Variants in SLC25A26 observed in about 807,000 individuals in gnomAD.
SLC25A26 encodes the protein mitochondrial S-adenosylmethionine carrier protein.
A neutral mutation model predicts 37.8 loss-of-function variants in SLC25A26; 36 were observed. That is an observed-to-expected ratio of 0.95 (90% CI 0.73 to 1.26). The LOEUF (loss-of-function observed/expected upper bound fraction) is 1.26, where lower values mean the gene tolerates loss of function less well. SLC25A26 is among the 50% of genes most tolerant of loss of function. The probability of loss-of-function intolerance (pLI) is 0.00; values close to 1 mark genes in which losing one functional copy is unlikely to be tolerated. For synonymous variants in SLC25A26, 129 were observed against 122.5 expected (o/e 1.05, Z -0.35); for missense variants, 390 against 331.1 (o/e 1.18, Z -1.38).
chr3:66,137,419 G>C (rs2069963706), intron 1 of SLC25A26, among the ~76,000 whole-genome samples: 1 of 151,802 alleles, frequency 6.6e-6, no homozygotes, highest in Non-Finnish European at 1.5e-5. Context: ...GTAGAGACAG[G>C]GTTTCACCAT....
intron 6 of SLC25A26, among the ~76,000 whole-genome samples, chr3:66,351,601 G>C (rs2076455499): frequency 6.6e-6 from 1 of 152,126 alleles, no homozygotes; most frequent in African/African-American, 2.4e-5. Flanking sequence ...GGCAGCCTCA[G>C]ATCACCAGCT....
intron 1 of SLC25A26, among the ~76,000 whole-genome samples, chr3:66,181,642 G>T (rs528966930): frequency 6.6e-6 from 1 of 152,272 alleles, no homozygotes; most frequent in South Asian, 2.1e-4. Context: ...AGAGAGGAAA[G>T]GAACTTGTCC....
At chr3:66,188,479 T>C (rs1005335479) in intron 1 of SLC25A26, among the ~76,000 whole-genome samples, 2,308 of 152,172 alleles carry the variant, frequency 0.015, 66 homozygotes, top group African/African-American at 0.052. Flanking sequence ...TTAGTTCCCA[T>C]GAGATCTGGT....
At chr3:66,191,842 G>C (rs901204189) in intron 1 of SLC25A26, among the ~76,000 whole-genome samples, 6 of 152,082 alleles carry the variant, frequency 3.9e-5, no homozygotes, top group African/African-American at 1.4e-4. Flanking sequence ...GGTGAGCGGA[G>C]GTTGTGGTGA....
At chr3:66,241,876 A>G (rs1249036572) in intron 2 of SLC25A26, among the ~76,000 whole-genome samples, 1 of 151,662 alleles carries the variant, frequency 6.6e-6, no homozygotes, top group Non-Finnish European at 1.5e-5. Context: ...TAGGAGCCTT[A>G]GTCCCTATTT....
chr3:66,238,601 G>A (rs1030321570), intron 2 of SLC25A26, among the ~76,000 whole-genome samples: 3 of 152,074 alleles, frequency 2.0e-5, no homozygotes, highest in Non-Finnish European at 2.9e-5. Context: ...CCGACGTCAC[G>A]TGATCTGCCT....
intron 1 of SLC25A26, among the ~76,000 whole-genome samples, chr3:66,149,560 G>A (rs2106687153): frequency 6.6e-6 from 1 of 152,290 alleles, no homozygotes; most frequent in African/African-American, 2.4e-5. Flanking sequence ...AGTTCATTGT[G>A]CTCTTACGTG....
chr3:66,239,571 C>T (rs1466924491), intron 2 of SLC25A26, among the ~76,000 whole-genome samples: 3 of 152,190 alleles, frequency 2.0e-5, no homozygotes, highest in Non-Finnish European at 2.9e-5. Context: ...TCAAACCATC[C>T]TTGGCTGGCA....
chr3:66,177,430 G>A (rs2070606817), intron 1 of SLC25A26, among the ~76,000 whole-genome samples: 1 of 152,212 alleles, frequency 6.6e-6, no homozygotes, highest in African/African-American at 2.4e-5. Flanking sequence ...CAATTGTGAA[G>A]ATACGGAAAG....
intron 4 of SLC25A26, among the ~76,000 whole-genome samples, chr3:66,262,869 A>C (rs2073585917): frequency 6.6e-6 from 1 of 152,234 alleles, no homozygotes; most frequent in Non-Finnish European, 1.5e-5. Flanking sequence ...TTGAGAGATT[A>C]TGAATGAATT....
chr3:66,336,616 T>G (rs2076097267), intron 5 of SLC25A26, among the ~76,000 whole-genome samples: 1 of 152,188 alleles, frequency 6.6e-6, no homozygotes, highest in Non-Finnish European at 1.5e-5. Context: ...GCTATTTTCT[T>G]AAAGGACTGA....
intron 7 of SLC25A26, among the ~76,000 whole-genome samples, chr3:66,368,526 T>C (rs1700160390): frequency 6.6e-6 from 1 of 152,160 alleles, no homozygotes; most frequent in Non-Finnish European, 1.5e-5. Context: ...GCTAAGAAGA[T>C]GTAGAAGAGA....
chr3:66,316,890 A>G (rs185692264), intron 5 of SLC25A26, among the ~76,000 whole-genome samples: 40 of 152,126 alleles, frequency 2.6e-4, no homozygotes, highest in Non-Finnish European at 4.3e-4. Context: ...CACTTGGTCT[A>G]TTCAGCTATT....
intron 5 of SLC25A26, among the ~76,000 whole-genome samples, chr3:66,268,581 G>A (rs190251808): frequency 1.2e-4 from 19 of 152,310 alleles, no homozygotes; most frequent in Non-Finnish European, 2.2e-4. Flanking sequence ...CAGGCGAAGT[G>A]CCTTCTGTAA....
chr3:66,281,819 G>A (rs1054874230), intron 5 of SLC25A26, among the ~76,000 whole-genome samples: 9 of 136,124 alleles, frequency 6.6e-5, no homozygotes, highest in Admixed American at 5.3e-4. Context: ...TTCCCCGTTA[G>A]TCCTTTTTTT....
intron 3 of SLC25A26, among the ~76,000 whole-genome samples, chr3:66,244,235 C>A (rs1338614088): frequency 6.6e-6 from 1 of 152,082 alleles, no homozygotes; most frequent in Non-Finnish European, 1.5e-5. Flanking sequence ...AGGCAAAAAA[C>A]AAAGAGACCA....
chr3:66,162,743 T>C (rs573951057), intron 1 of SLC25A26, among the ~76,000 whole-genome samples: 1 of 152,334 alleles, frequency 6.6e-6, no homozygotes, highest in Non-Finnish European at 1.5e-5. Context: ...GCAGATGCAG[T>C]CTCTTGGCTG....
chr3:66,221,213 C>G, intron 1 of SLC25A26, 86 bp downstream of exon 1: 1 of 1,391,806 alleles, frequency 7.2e-7, no homozygotes, highest in Non-Finnish European at 9.5e-7. Flanking sequence ...TGGTTTTCTT[C>G]CGGTTTTGCG....
At chr3:66,158,538 C>T (rs2070314876) in intron 1 of SLC25A26, among the ~76,000 whole-genome samples, 1 of 152,128 alleles carries the variant, frequency 6.6e-6, no homozygotes, top group Non-Finnish European at 1.5e-5. Flanking sequence ...AACCTGTTTT[C>T]CGAAGTGGCT....
Sources: gnomAD v4.1 joint callset for allele counts (sites outside exome capture counted in the v4.1 genomes callset) on GRCh38, gnomAD v4.1.1 for gene constraint, MANE v1.5 for transcripts, NCBI Gene and HGNC (gene_info 2026-07-23, HGNC 2026-07-21) for gene names.